EFCAB6: variants seen among roughly 807,000 people sequenced by gnomAD.
The protein encoded by EFCAB6 is EF-hand calcium-binding domain-containing protein 6.
A neutral mutation model predicts 169.8 loss-of-function variants in EFCAB6; 156 were observed. The observed-to-expected ratio is 0.92, with a 90% CI of 0.81 to 1.05. The LOEUF is 1.05. EFCAB6 is among the 50% of genes least tolerant of loss of function. The pLI is 0.00. For synonymous variants in EFCAB6, 698 were observed against 676.4 expected (o/e 1.03, Z -0.50); for missense variants, 1,800 against 1,829.1 (o/e 0.98, Z 0.29).
In EFCAB6 at chr22:43,572,932, GC is replaced by G. The variant is rs2049984669; in HGVS notation, c.3420+3364del. 6.6e-6 allele frequency among the ~76,000 whole-genome samples: 1 copy of G among 152,208 alleles called. No homozygotes were observed. The highest frequency in any genetic ancestry group is 1.5e-5 in the Non-Finnish European group (1 of 68,042). On this transcript the variant is annotated intron_variant, in intron 26 of 31. Transcript: ENST00000262726. The surrounding 1 kb of genome is among the most constrained non-coding windows in gnomAD (Gnocchi z 4.0). Reference sequence around the variant, plus strand: ...GTGAATGAACCCACACGATGGAATGGCACATGCTAGATGGAATCCATGCTTT... The same window carrying G: ...GTGAATGAACCCACACGATGGAATGGACATGCTAGATGGAATCCATGCTTT...
chr22:43,602,949 C>G (rs2052630941), intron 22 of EFCAB6, among the ~76,000 whole-genome samples: 2 of 151,828 alleles, frequency 1.3e-5, no homozygotes. Flanking sequence ...TATCTGCCTA[C>G]TAGATGGCAG....
chr22:43,548,562 A>T (rs2048204747), intron 27 of EFCAB6, among the ~76,000 whole-genome samples: 2 of 149,930 alleles, frequency 1.3e-5, no homozygotes, highest in Non-Finnish European at 3.0e-5. Context: ...AAAAAAAAAA[A>T]AAAAAAAAGG....
chr22:43,567,137 T>C (rs76333233), intron 26 of EFCAB6, among the ~76,000 whole-genome samples: 1 of 140,746 alleles, frequency 7.1e-6, no homozygotes, highest in East Asian at 2.0e-4. Context: ...CTCGTCCTCC[T>C]CATCATCCTC....
intron 27 of EFCAB6, among the ~76,000 whole-genome samples, chr22:43,540,941 C>T (rs1197967475): frequency 6.6e-6 from 1 of 151,662 alleles, no homozygotes; most frequent in Non-Finnish European, 1.5e-5. Context: ...ATGCCACAGA[C>T]TGTATCAAAA....
intron 26 of EFCAB6, among the ~76,000 whole-genome samples, chr22:43,563,221 G>A (rs1269222762): frequency 1.3e-5 from 2 of 152,148 alleles, no homozygotes; most frequent in African/African-American, 4.8e-5. Flanking sequence ...CATAAACCCA[G>A]GGCTCAGGCT....
intron 19 of EFCAB6, among the ~76,000 whole-genome samples, chr22:43,627,626 T>G (rs2054618329): frequency 6.6e-6 from 1 of 152,182 alleles, no homozygotes; most frequent in African/African-American, 2.4e-5. Flanking sequence ...CACATGCACC[T>G]GCTTCCCGGG....
rs191037485 is a variant in EFCAB6 at position 43,733,283 on chromosome 22, C to A, written c.645-1472G>T. On this transcript the variant is annotated intron_variant, in intron 7 of 31. Coordinates refer to ENST00000262726, the MANE Select transcript of EFCAB6 (RefSeq NM_022785.4). ...CCAATCAGCTCATAAACCTCTCCAG[C>A]GTCACCACCTGGAACTGGGTTTCAT... Among the ~76,000 whole-genome samples, 65 of 152,330 alleles carry A rather than the reference C, an allele frequency of 4.3e-4. 1 individual carries two copies. In the Middle Eastern group the frequency reaches 0.02, roughly 48 times the overall value.
At chr22:43,582,341 T>TACAC (rs34578401) in intron 24 of EFCAB6, among the ~76,000 whole-genome samples, 2,896 of 148,336 alleles carry the variant, frequency 0.02, 39 homozygotes, top group African/African-American at 0.035. Context: ...TCTATACACA[T>TACAC]ACACACACAC....
intron 13 of EFCAB6, among the ~76,000 whole-genome samples, chr22:43,674,886 G>A (rs1196949786): frequency 1.3e-5 from 2 of 152,008 alleles, no homozygotes; most frequent in African/African-American, 4.8e-5. Context: ...TCCTACCCTG[G>A]CTGGCTGCTC....
At chr22:43,781,934 G>T (rs1236999548) in intron 3 of EFCAB6, among the ~76,000 whole-genome samples, 2 of 152,038 alleles carry the variant, frequency 1.3e-5, no homozygotes, top group African/African-American at 2.4e-5. Flanking sequence ...CTGAATTCTG[G>T]AATCATACTC....
intron 17 of EFCAB6, among the ~76,000 whole-genome samples, chr22:43,648,844 T>G (rs1385944290): frequency 6.6e-6 from 1 of 152,190 alleles, no homozygotes. Context: ...ATTCATGCAT[T>G]TGAAAAATAC....
chr22:43,551,641 A>G (rs1312883234), intron 27 of EFCAB6, among the ~76,000 whole-genome samples: 1 of 151,988 alleles, frequency 6.6e-6, no homozygotes, highest in Non-Finnish European at 1.5e-5. Context: ...TCCATTAGCT[A>G]TTCTTCCTGA....
intron 10 of EFCAB6, among the ~76,000 whole-genome samples, chr22:43,689,622 T>A (rs570431757): frequency 1.8e-4 from 27 of 152,310 alleles, no homozygotes; most frequent in African/African-American, 5.3e-4. Context: ...CTCATGGCAG[T>A]GCCAGTCAAA....
chr22:43,682,895 T>C (rs1056292114), intron 12 of EFCAB6, among the ~76,000 whole-genome samples: 6 of 152,224 alleles, frequency 3.9e-5, no homozygotes, highest in South Asian at 2.1e-4. Flanking sequence ...GGAAATCCCA[T>C]GCAATAGCAT....
rs535676425 is a variant in EFCAB6, at chr22:43,585,314, CA to C, written c.3033-4656del. 4.7e-3 allele frequency among the ~76,000 whole-genome samples: 707 copies of C among 151,560 alleles called. 4 individuals are homozygous for C. Among genetic ancestry groups the C allele is most frequent in the Non-Finnish European group, 7.8e-3 (530 of 67,874 alleles). The stretch of plus-strand genomic sequence containing the variant: ...CAGAAATTAAAAAAAAAAGCCACTG[CA>C]ACAGAAATGAAGAATGACTTTGATG... On this transcript the variant is annotated intron_variant, in intron 24 of 31. Coordinates refer to ENST00000262726, the MANE Select transcript of EFCAB6 (RefSeq NM_022785.4).
chr22:43,546,618 C>T (rs2048071997), intron 27 of EFCAB6, among the ~76,000 whole-genome samples: 1 of 152,092 alleles, frequency 6.6e-6, no homozygotes, highest in South Asian at 2.1e-4. Context: ...CGCCTGTAAT[C>T]CCAGCACTTT....
intron 10 of EFCAB6, 80 bp from the exon 11 acceptor site, chr22:43,687,661 G>T: frequency 4.0e-6 from 3 of 747,784 alleles, no homozygotes; most frequent in Non-Finnish European, 6.3e-6. Context: ...ACTTAATGTT[G>T]AATTGAAAAT....
At chr22:43,642,761 G>A (rs909011118) in intron 17 of EFCAB6, among the ~76,000 whole-genome samples, 2 of 152,196 alleles carry the variant, frequency 1.3e-5, no homozygotes, top group Non-Finnish European at 2.9e-5. Flanking sequence ...CAAAGCTGAT[G>A]CAAACTGGGG....
At chr22:43,549,087 A>G (rs1036131241) in intron 27 of EFCAB6, among the ~76,000 whole-genome samples, 1 of 152,224 alleles carries the variant, frequency 6.6e-6, no homozygotes, top group African/African-American at 2.4e-5. Flanking sequence ...ATAATTTTAA[A>G]ACTACATATC....
Sources: allele counts gnomAD v4.1 joint callset (sites outside exome capture counted in the v4.1 genomes callset), GRCh38; gene constraint gnomAD v4.1.1; non-coding constraint Gnocchi (gnomAD v3.1); transcripts MANE v1.5; gene names NCBI Gene and HGNC (gene_info 2026-07-23, HGNC 2026-07-21).